The following CACNA1E variants were observed in gnomAD, a reference collection of about 807,000 sequenced individuals.
CACNA1E encodes the protein voltage-dependent R-type calcium channel subunit alpha-1E.
CACNA1E carries 40 observed loss-of-function variants against 259.2 expected under a neutral mutation model. The observed-to-expected ratio is 0.15, with a 90% CI of 0.12 to 0.20. The LOEUF is 0.20. Among genes scored for constraint, CACNA1E ranks in the 10% least tolerant of loss-of-function variants. The probability of loss-of-function intolerance (pLI) is 1.00; values close to 1 mark genes in which losing one functional copy is unlikely to be tolerated. For synonymous variants in CACNA1E, 1,104 were observed against 1,138.5 expected, an observed-to-expected ratio of 0.97 and a Z score of 0.61; for missense variants, 1,874 against 3,040.1, an observed-to-expected ratio of 0.62 and a Z score of 9.02.
intron 2 of CACNA1E, among the ~76,000 whole-genome samples, chr1:181,426,807 C>CCCTTCCCATTTCAACT (rs1229154476): frequency 6.7e-6 from 1 of 150,168 alleles, no homozygotes; most frequent in East Asian, 2.0e-4. Flanking sequence ...CTATTTCAAC[C>CCCTTCCCATTTCAACT]CCTTCCCATC....
chr1:181,533,401 C>T (rs1257702424), intron 3 of CACNA1E, among the ~76,000 whole-genome samples: 2 of 149,926 alleles, frequency 1.3e-5, no homozygotes, highest in Non-Finnish European at 3.0e-5. Context: ...ACAACTTTTG[C>T]CCACTGATTT....
intron 1 of CACNA1E, among the ~76,000 whole-genome samples, chr1:181,361,713 CTGTT>C (rs1025980526): frequency 3.9e-5 from 6 of 152,134 alleles, no homozygotes; most frequent in African/African-American, 1.2e-4. Flanking sequence ...TGTCACTGCT[CTGTT>C]TGTATCTGAG....
intron 17 of CACNA1E, among the ~76,000 whole-genome samples, chr1:181,724,802 G>C (rs1031942950): frequency 1.3e-5 from 2 of 152,194 alleles, no homozygotes; most frequent in African/African-American, 4.8e-5. Context: ...CCTCAAAGGA[G>C]TCCTTTCCAG....
intron 2 of CACNA1E, among the ~76,000 whole-genome samples, chr1:181,462,657 G>C (rs1420266001): frequency 6.6e-6 from 1 of 152,060 alleles, no homozygotes; most frequent in Non-Finnish European, 1.5e-5. Flanking sequence ...CTCTGAGATT[G>C]ATATTTCATT....
At chr1:181,706,844 G>A (rs930645224) in intron 7 of CACNA1E, among the ~76,000 whole-genome samples, 5 of 152,162 alleles carry the variant, frequency 3.3e-5, no homozygotes, top group Admixed American at 1.3e-4. Context: ...TTTGAATCTC[G>A]CAGGGCTTTT....
At chr1:181,487,241 G>A (rs1258472860) in intron 1 of CACNA1E, among the ~76,000 whole-genome samples, 1 of 152,188 alleles carries the variant, frequency 6.6e-6, no homozygotes, top group Non-Finnish European at 1.5e-5. Flanking sequence ...GTCTCATCAT[G>A]CTGTGCATTA....
rs138692858 is a variant in CACNA1E, at chr1:181,668,835, G to C, written c.1055+17394G>C. 1,177 of 152,128 alleles carry C rather than the reference G, an allele frequency of 7.7e-3. 10 individuals are homozygous for C. The highest frequency in any genetic ancestry group is 0.024 in the Admixed American group (365 of 15,266). The allele number at this position is 152,128 out of a possible 1,614,324, so 9.4% of individuals were successfully genotyped here. ...GCTTGAGCCCAGGAGTTTGAGACTA[G>C]CCTGGGCAACAACGCGAGACTCAGT... On this transcript the variant is annotated intron_variant, in intron 7 of 47. Coordinates refer to ENST00000367573, the MANE Select transcript of CACNA1E (RefSeq NM_001205293.3).
At chr1:181,364,610 G>A (rs935456296) in intron 1 of CACNA1E, among the ~76,000 whole-genome samples, 8 of 147,398 alleles carry the variant, frequency 5.4e-5, no homozygotes, top group African/African-American at 1.5e-4. Flanking sequence ...GAAAGATTAC[G>A]AAGATCTGGA....
chr1:181,434,050 C>T (rs1198561116), intron 2 of CACNA1E, among the ~76,000 whole-genome samples: 1 of 152,192 alleles, frequency 6.6e-6, no homozygotes, highest in Non-Finnish European at 1.5e-5. Flanking sequence ...TTCCTGGTCC[C>T]CATCCCTGGA....
chr1:181,416,180 A>G (rs1658261727), intron 2 of CACNA1E, among the ~76,000 whole-genome samples: 1 of 152,242 alleles, frequency 6.6e-6, no homozygotes, highest in Non-Finnish European at 1.5e-5. Context: ...TTGAGGACTT[A>G]GTATGAAACA....
intron 6 of CACNA1E, among the ~76,000 whole-genome samples, chr1:181,635,208 A>G (rs1657100875): frequency 6.6e-6 from 1 of 152,064 alleles, no homozygotes; most frequent in Non-Finnish European, 1.5e-5. Context: ...AACTCCTGAA[A>G]CTTACATCCT....
In CACNA1E at chr1:181,798,670, C is replaced by T; in HGVS notation, c.6778C>T (p.Leu2260=). ...TTTCGAAGCAGCCGTGGCTACTAGC[C>T]TGGGCCGTTCCAACACCATCGGCTC... ...LTFEAAVATS[L]GRSNTIGSAP... is the part of the protein sequence containing the mutation. Residue 2260 remains leucine, a synonymous_variant, in exon 48 of 48, where the codon CTG becomes TTG. Transcript: ENST00000367573. This position sits in a 1 kb window ranked among gnomAD's most constrained non-coding sequence, Gnocchi z 4.2. The T allele has an allele frequency of 6.2e-7, 1 of 1,610,172 alleles. No individual in the cohort carries two copies. Among genetic ancestry groups the T allele is most frequent in the Non-Finnish European group, 8.5e-7 (1 of 1,177,510 alleles).
intron 1 of CACNA1E, among the ~76,000 whole-genome samples, chr1:181,338,083 CTTT>C (rs951617078): frequency 1.3e-5 from 2 of 151,822 alleles, no homozygotes; most frequent in Non-Finnish European, 2.9e-5. Context: ...CCATTGTGGG[CTTT>C]TTTTTGTTTG....
chr1:181,652,877 C>T (rs1339089504), intron 7 of CACNA1E, among the ~76,000 whole-genome samples: 3 of 152,036 alleles, frequency 2.0e-5, no homozygotes, highest in African/African-American at 7.2e-5. Flanking sequence ...ATATGTTGTA[C>T]TGAAAACAGG....
At chr1:181,428,163 C>G (rs984695151) in intron 2 of CACNA1E, among the ~76,000 whole-genome samples, 1 of 152,200 alleles carries the variant, frequency 6.6e-6, no homozygotes, top group South Asian at 2.1e-4. Flanking sequence ...CTCCGGAGGA[C>G]TGGCACTTCT....
intron 6 of CACNA1E, among the ~76,000 whole-genome samples, chr1:181,618,971 G>A (rs1452601149): frequency 6.6e-6 from 1 of 152,092 alleles, no homozygotes; most frequent in African/African-American, 2.4e-5. Flanking sequence ...AAAATAAATG[G>A]ATTTCAGTTT....
intron 2 of CACNA1E, among the ~76,000 whole-genome samples, chr1:181,426,553 C>T (rs1659228856): frequency 1.3e-5 from 2 of 150,734 alleles, no homozygotes; most frequent in Non-Finnish European, 3.0e-5. Flanking sequence ...AACAGAACCC[C>T]TTCCCATCTC....
rs760228847 is a variant in CACNA1E at position 181,755,920 on chromosome 1, T to G, written c.3990-36T>G. The G allele has an allele frequency of 5.0e-6, 8 of 1,603,158 alleles. No homozygotes were observed. In the South Asian group the frequency reaches 7.9e-5, roughly 16 times the overall value. ...GACTCTTCTGTAGAATGAGCTATAGTGAGGAGGCTCTCTTTCATTTCTGCT... is the reference window on the plus strand; with the variant it reads ...GACTCTTCTGTAGAATGAGCTATAGGGAGGAGGCTCTCTTTCATTTCTGCT... On this transcript the variant is annotated intron_variant, in intron 28 of 47. Transcript: ENST00000367573.
At chr1:181,416,718 A>G (rs547007221) in intron 2 of CACNA1E, among the ~76,000 whole-genome samples, 4 of 152,150 alleles carry the variant, frequency 2.6e-5, no homozygotes, top group Non-Finnish European at 5.9e-5. Flanking sequence ...GCTCCTCACT[A>G]TTGCTTCCAG....
Sources: allele counts gnomAD v4.1 joint callset (sites outside exome capture counted in the v4.1 genomes callset), GRCh38; gene constraint gnomAD v4.1.1; non-coding constraint Gnocchi (gnomAD v3.1); transcripts MANE v1.5; gene names NCBI Gene and HGNC (gene_info 2026-07-23, HGNC 2026-07-21).